KIAA1217: variants seen among roughly 807,000 people sequenced by gnomAD.
The protein encoded by KIAA1217 is sickle tail protein homolog.
Under a neutral mutation model 163.9 loss-of-function variants are expected in KIAA1217, and 88 were observed. The ratio of observed to expected loss-of-function variants is 0.54; its 90% confidence interval spans 0.45 to 0.64. The LOEUF (loss-of-function observed/expected upper bound fraction) is 0.64, where lower values mean the gene tolerates loss of function less well. KIAA1217 is among the 30% of genes least tolerant of loss of function. The pLI is 0.00. For missense variants in KIAA1217, 2,372 were observed against 2,475.0 expected, an observed-to-expected ratio of 0.96 and a Z score of 0.88; for synonymous variants, 903 against 923.1, an observed-to-expected ratio of 0.98 and a Z score of 0.39.
chr10:24,367,502 G>A lies in KIAA1217; in HGVS notation c.355-13367G>A, dbSNP rs571478094. 1.6e-4 allele frequency among the ~76,000 whole-genome samples: 24 copies of A among 152,304 alleles called. No homozygotes were observed. The South Asian group carries it at 4.8e-3, about 30-fold the overall frequency. Reference sequence around the variant, plus strand: ...TCAGCAGTAATGCAACCACAAGCTGGAGATCTTTGAATAATTGTTTGAAAA... The same window carrying A: ...TCAGCAGTAATGCAACCACAAGCTGAAGATCTTTGAATAATTGTTTGAAAA... On this transcript the variant is annotated intron_variant, in intron 2 of 20. Coordinates refer to ENST00000376454, the MANE Select transcript of KIAA1217 (RefSeq NM_019590.5).
At chr10:24,486,254 C>G (rs532736837) in intron 6 of KIAA1217, among the ~76,000 whole-genome samples, 1 of 152,310 alleles carries the variant, frequency 6.6e-6, no homozygotes, top group East Asian at 1.9e-4. Context: ...CTTTCACGTC[C>G]AACCTCAGCT....
chr10:24,400,155 T>A (rs2056355910), intron 3 of KIAA1217, among the ~76,000 whole-genome samples: 1 of 152,194 alleles, frequency 6.6e-6, no homozygotes, highest in Non-Finnish European at 1.5e-5. Context: ...CAAAGAGGTT[T>A]GCCTCTGACC....
chr10:24,244,758 T>G (rs957629528), intron 2 of KIAA1217, among the ~76,000 whole-genome samples: 2 of 151,790 alleles, frequency 1.3e-5, no homozygotes, highest in Non-Finnish European at 2.9e-5. Flanking sequence ...AGAGACAGGG[T>G]TTTGCCGTGT....
chr10:24,229,598 A>G (rs1373574129), intron 2 of KIAA1217, among the ~76,000 whole-genome samples: 1 of 152,050 alleles, frequency 6.6e-6, no homozygotes, highest in Non-Finnish European at 1.5e-5. Context: ...GCTCACTGCA[A>G]CCTCCGCCTC....
chr10:23,780,588 A>T (rs1835212523), intron 1 of KIAA1217, among the ~76,000 whole-genome samples: 1 of 152,206 alleles, frequency 6.6e-6, no homozygotes, highest in Non-Finnish European at 1.5e-5. Context: ...GCTGTTGCAA[A>T]AGGCAAGATC....
At chr10:24,221,975 C>T (rs1299073350) in intron 2 of KIAA1217, among the ~76,000 whole-genome samples, 3 of 152,062 alleles carry the variant, frequency 2.0e-5, no homozygotes, top group Non-Finnish European at 4.4e-5. Flanking sequence ...AATGAGACCC[C>T]GTCTCTAAAA....
Position 23,934,617 on chromosome 10 carries a change from A to T in KIAA1217, c.-320-72608A>T, listed in dbSNP as rs1447128702. Reference sequence around the variant, plus strand: ...TATATATATATATATGTATATATATATATATATATTTTTTTTTTGAGACGG... The same window carrying T: ...TATATATATATATATGTATATATATTTATATATATTTTTTTTTTGAGACGG... On this transcript the variant is annotated intron_variant, in intron 1 of 18. Coordinates refer to the KIAA1217 transcript ENST00000376462. Among the ~76,000 whole-genome samples the T allele has an allele frequency of 2.6e-4, 17 of 66,200 alleles. 2 individuals are homozygous for T. Among genetic ancestry groups the T allele is most frequent in the African/African-American group, 6.9e-4 (5 of 7,294 alleles). 43.4% of individuals were successfully genotyped at this position (66,200 alleles called of 152,430 possible).
intron 2 of KIAA1217, among the ~76,000 whole-genome samples, chr10:24,166,845 G>T (rs1415186551): frequency 1.3e-5 from 2 of 152,064 alleles, no homozygotes; most frequent in Admixed American, 6.6e-5. Flanking sequence ...TGATTATATG[G>T]ATGTATCAGA....
At chr10:23,885,949 T>A (rs1387199046) in intron 1 of KIAA1217, among the ~76,000 whole-genome samples, 1 of 151,888 alleles carries the variant, frequency 6.6e-6, no homozygotes, top group African/African-American at 2.4e-5. Flanking sequence ...GTGGGTTATT[T>A]GTGGTGCCAA....
chr10:23,803,073 G>A (rs78592998), intron 1 of KIAA1217, among the ~76,000 whole-genome samples: 1,703 of 152,146 alleles, frequency 0.011, 31 homozygotes, highest in African/African-American at 0.039. Context: ...CTCTATTTCC[G>A]TCAGATTTCT....
rs117487756 is a variant in KIAA1217 at position 23,941,239 on chromosome 10, C to T, written c.-320-65986C>T. ...AATATTATCTACAGAGTTAACAATA[C>T]GTTTATAAACAGGGAAAACATCATT... On this transcript the variant is annotated intron_variant, in intron 1 of 18. Transcript: ENST00000376462. 6.6e-5 allele frequency among the ~76,000 whole-genome samples: 10 copies of T among 152,184 alleles called. No individual in the cohort carries two copies. The East Asian group carries it at 1.5e-3, about 24-fold the overall frequency.
intron 2 of KIAA1217, among the ~76,000 whole-genome samples, chr10:24,261,370 G>A (rs188612440): frequency 7.9e-5 from 12 of 152,000 alleles, no homozygotes; most frequent in Non-Finnish European, 1.2e-4. Flanking sequence ...AGTGGTGGGC[G>A]TCTGTAATCT....
intron 1 of KIAA1217, among the ~76,000 whole-genome samples, chr10:23,832,056 T>C (rs1838229695): frequency 6.6e-6 from 1 of 152,196 alleles, no homozygotes. Flanking sequence ...ACTCTGGTGC[T>C]ATCTACCTGG....
At chr10:23,984,359 G>C (rs1845885583) in intron 1 of KIAA1217, among the ~76,000 whole-genome samples, 1 of 152,172 alleles carries the variant, frequency 6.6e-6, no homozygotes, top group African/African-American at 2.4e-5. Flanking sequence ...AAAGCTGGCA[G>C]TACCTTGTCA....
At chr10:23,901,948 G>C (rs966033047) in intron 1 of KIAA1217, among the ~76,000 whole-genome samples, 3 of 146,468 alleles carry the variant, frequency 2.0e-5, no homozygotes, top group Non-Finnish European at 4.5e-5. Context: ...AGAAAGAAAA[G>C]AAATATTTAA....
At chr10:23,790,698 C>T (rs955198669) in intron 1 of KIAA1217, among the ~76,000 whole-genome samples, 1 of 118,188 alleles carries the variant, frequency 8.5e-6, no homozygotes, top group South Asian at 2.3e-4. Flanking sequence ...TGTATATATA[C>T]ACACACATAT....
chr10:24,544,871 G>A (rs2075543615), intron 19 of KIAA1217, 110 bp from the exon 20 acceptor site: 1 of 1,192,322 alleles, frequency 8.4e-7, no homozygotes, highest in Non-Finnish European at 1.2e-6. Context: ...CCTGCATGTA[G>A]GGCTGTGGCT....
intron 6 of KIAA1217, among the ~76,000 whole-genome samples, chr10:24,487,390 G>A (rs761203972): frequency 5.3e-5 from 8 of 152,212 alleles, no homozygotes; most frequent in Non-Finnish European, 1.2e-4. Flanking sequence ...TGGTGCTCAC[G>A]CACAAAGTGA....
intron 2 of KIAA1217, among the ~76,000 whole-genome samples, chr10:24,310,218 A>G (rs1489508105): frequency 6.6e-6 from 1 of 152,260 alleles, no homozygotes; most frequent in Non-Finnish European, 1.5e-5. Context: ...AAGAACGGCC[A>G]CTAGCATTCA....
Sources: allele counts gnomAD v4.1 joint callset (sites outside exome capture counted in the v4.1 genomes callset), GRCh38; gene constraint gnomAD v4.1.1; transcripts MANE v1.5; gene names NCBI Gene and HGNC (gene_info 2026-07-23, HGNC 2026-07-21).